Variants in CAPS2 observed in about 807,000 individuals in gnomAD.
The protein encoded by CAPS2 is calcyphosine 2.
CAPS2 carries 98 observed loss-of-function variants against 86.5 expected under a neutral mutation model. The ratio of observed to expected loss-of-function variants is 1.13; its 90% confidence interval spans 0.96 to 1.34. The LOEUF is 1.34. Among genes scored for constraint, CAPS2 ranks in the 40% most tolerant of loss-of-function variants. The pLI, the probability that CAPS2 is intolerant of heterozygous loss-of-function variation, is 0.00. For synonymous variants in CAPS2, 210 were observed against 225.1 expected, an observed-to-expected ratio of 0.93 and a Z score of 0.60; for missense variants, 729 against 686.8, an observed-to-expected ratio of 1.06 and a Z score of -0.69.
chr12:75,285,202 T>A, intron 14 of CAPS2, 122 bp from the exon 15 acceptor site: 1 of 886,798 alleles, frequency 1.1e-6, no homozygotes, highest in East Asian at 3.0e-5. Flanking sequence ...ATAAGAAAAT[T>A]GAAGAAGCTA....
chr12:75,297,797 C>A (rs1458776447), intron 11 of CAPS2, among the ~76,000 whole-genome samples: 1 of 152,132 alleles, frequency 6.6e-6, no homozygotes, highest in Non-Finnish European at 1.5e-5. Flanking sequence ...CCTTTTTGTT[C>A]TTAGAACAAG....
chr12:75,280,509 T>C (rs980292462), intron 16 of CAPS2, among the ~76,000 whole-genome samples: 4 of 151,614 alleles, frequency 2.6e-5, no homozygotes, highest in African/African-American at 7.3e-5. Flanking sequence ...TGACACATAA[T>C]AAAACTGAAG....
chr12:75,314,346 A>T (rs1025177286), intron 6 of CAPS2, among the ~76,000 whole-genome samples: 1 of 152,180 alleles, frequency 6.6e-6, no homozygotes, highest in Non-Finnish European at 1.5e-5. Flanking sequence ...GTTATTTAAC[A>T]CTTTCATTTA....
intron 1 of CAPS2, among the ~76,000 whole-genome samples, chr12:75,348,932 G>C (rs77064619): frequency 0.038 from 5,853 of 152,260 alleles, 131 homozygotes; most frequent in East Asian, 0.052. Flanking sequence ...GTCTCAGTGA[G>C]AGTGTTCAGG....
At chr12:75,286,646 A>G (rs545981743) in intron 14 of CAPS2, among the ~76,000 whole-genome samples, 41 of 152,032 alleles carry the variant, frequency 2.7e-4, no homozygotes, top group African/African-American at 9.6e-4. Context: ...TAGGGTACAT[A>G]TCAATTTTTT....
At chr12:75,369,580 A>G in intron 1 of CAPS2, 1 of 984,758 alleles carries the variant, frequency 1.0e-6, no homozygotes, top group Non-Finnish European at 1.2e-6. Context: ...GGACCATTAC[A>G]GAAATGAATG....
chr12:75,289,536 A>G, intron 14 of CAPS2, 85 bp downstream of exon 14: 2 of 1,244,026 alleles, frequency 1.6e-6, no homozygotes, highest in Non-Finnish European at 2.2e-6. Context: ...AAAATAAATG[A>G]AAACTAAAAT....
At chr12:75,280,881 C>A (rs1397603875) in intron 16 of CAPS2, among the ~76,000 whole-genome samples, 1 of 151,510 alleles carries the variant, frequency 6.6e-6, no homozygotes, top group African/African-American at 2.4e-5. Context: ...GACGAGAAAC[C>A]AAAGTAATTA....
chr12:75,276,660 T>C (rs1161615772), downstream of CAPS2: 3 of 835,390 alleles, frequency 3.6e-6, no homozygotes, highest in Non-Finnish European at 4.3e-6. Context: ...ATGTTTTTCC[T>C]TAAAATTCTC....
intron 1 of CAPS2, chr12:75,371,500 A>G (rs2044357119): frequency 2.9e-6 from 1 of 342,482 alleles, no homozygotes; most frequent in Non-Finnish European, 5.9e-6. Flanking sequence ...AAAGTTGACA[A>G]TATTAACCAT....
At chr12:75,286,555 T>A (rs1213396807) in intron 14 of CAPS2, among the ~76,000 whole-genome samples, 1 of 151,770 alleles carries the variant, frequency 6.6e-6, no homozygotes, top group East Asian at 1.9e-4. Context: ...CTTTCAAAGA[T>A]ACAGTACACA....
downstream of CAPS2, chr12:75,277,210 C>CTTTT: frequency 2.4e-6 from 2 of 843,462 alleles, no homozygotes; most frequent in Non-Finnish European, 2.8e-6. Flanking sequence ...AGTAGCTTCC[C>CTTTT]TTTTTTTTTT....
At chr12:75,355,989 G>C (rs1412002050) in intron 1 of CAPS2, among the ~76,000 whole-genome samples, 5 of 152,106 alleles carry the variant, frequency 3.3e-5, no homozygotes, top group Non-Finnish European at 7.4e-5. Flanking sequence ...GGGTAGGGTG[G>C]GGAGAGGGAG....
intron 1 of CAPS2, among the ~76,000 whole-genome samples, chr12:75,326,131 TA>T (rs2040758649): frequency 2.0e-5 from 3 of 152,156 alleles, no homozygotes; most frequent in African/African-American, 7.2e-5. Context: ...GTAGCAACCG[TA>T]AAAATTCCAT....
intron 15 of CAPS2, among the ~76,000 whole-genome samples, chr12:75,283,305 G>A (rs1035183565): frequency 6.6e-6 from 1 of 152,126 alleles, no homozygotes; most frequent in African/African-American, 2.4e-5. Context: ...GTCAAAACTA[G>A]AATCAAGTCT....
At chr12:75,277,443 C>T in exon 17 of CAPS2, 1 of 936,490 alleles carries the variant, frequency 1.1e-6, no homozygotes, top group Non-Finnish European at 1.3e-6. Flanking sequence ...AGATATGTGA[C>T]AAAAATAGTG....
chr12:75,301,820 T>G (rs1359114943), intron 8 of CAPS2, among the ~76,000 whole-genome samples: 1 of 152,210 alleles, frequency 6.6e-6, no homozygotes, highest in African/African-American at 2.4e-5. Flanking sequence ...TGTATTTACA[T>G]TATAAAATGC....
intron 7 of CAPS2, chr12:75,305,400 C>T (rs2038333932): frequency 9.7e-6 from 4 of 413,486 alleles, no homozygotes; most frequent in Non-Finnish European, 1.8e-5. Context: ...GGAGGGCAGA[C>T]TCAAAGTGCT....
chr12:75,291,294 G>A (rs7980652), intron 13 of CAPS2, among the ~76,000 whole-genome samples: 87,287 of 150,408 alleles, frequency 0.58, 25,620 homozygotes, highest in South Asian at 0.75. Context: ...TCTTCAGGAT[G>A]TTATCTAGTA....
Sources: gnomAD v4.1 joint callset for allele counts (sites outside exome capture counted in the v4.1 genomes callset) on GRCh38, gnomAD v4.1.1 for gene constraint, MANE v1.5 for transcripts, NCBI Gene and HGNC (gene_info 2026-07-23, HGNC 2026-07-21) for gene names.